The following NOL4 variants were observed in gnomAD, a reference collection of about 807,000 sequenced individuals.
NOL4 encodes the protein cancer/testis antigen 125.
In NOL4, 17 loss-of-function variants were observed where a neutral mutation model predicts 75.9. The observed-to-expected ratio is 0.22, with a 90% CI of 0.15 to 0.34. NOL4 has a LOEUF of 0.34. NOL4 is among the 10% of genes least tolerant of loss of function. NOL4 has a pLI of 1.00. For synonymous variants in NOL4, 292 were observed against 289.9 expected (o/e 1.01, Z -0.07); for missense variants, 614 against 793.5 (o/e 0.77, Z 2.72).
chr18:34,125,489 T>A (rs2080344277), intron 2 of NOL4, among the ~76,000 whole-genome samples: 1 of 152,154 alleles, frequency 6.6e-6, no homozygotes, highest in African/African-American at 2.4e-5. Context: ...TGGGAATTTT[T>A]ACATGACAAA....
intron 10 of NOL4, 104 bp downstream of exon 10, chr18:33,883,140 G>T (rs1599733424): frequency 2.1e-5 from 16 of 777,354 alleles, no homozygotes; most frequent in Middle Eastern, 4.0e-4. Flanking sequence ...GCACCAGCAT[G>T]GCACATGTAT....
At chr18:34,127,282 T>C (rs1184763619) in intron 2 of NOL4, among the ~76,000 whole-genome samples, 1 of 151,746 alleles carries the variant, frequency 6.6e-6, no homozygotes, top group Non-Finnish European at 1.5e-5. Flanking sequence ...AGTGAAAACA[T>C]AGAAAGATTT....
chr18:33,924,714 G>A (rs2067227426), intron 9 of NOL4, among the ~76,000 whole-genome samples: 1 of 152,144 alleles, frequency 6.6e-6, no homozygotes, highest in Non-Finnish European at 1.5e-5. Flanking sequence ...AAGACATCTG[G>A]AGGCCATTAC....
Position 33,883,395 on chromosome 18 carries a change from A to C in NOL4, c.1572T>G (p.Cys524Trp). The C allele has an allele frequency of 6.2e-7, 1 of 1,610,832 alleles. No homozygotes were observed. The highest frequency in any genetic ancestry group is 2.2e-5 in the East Asian group (1 of 44,768). Residue 524 changes from cysteine (C) to tryptophan (W), a missense_variant, in exon 10 of 11, where the codon TGT (cysteine) becomes TGG (tryptophan). Around this residue, in one of 9 missense-constraint regions of NOL4, gnomAD observed 128 missense variants for 159.9 expected, o/e 0.80. Coordinates refer to ENST00000261592, the MANE Select transcript of NOL4 (RefSeq NM_003787.5). Reference protein sequence around the residue: ...QDESAPADKQCKPEATQATYS... With the variant: ...QDESAPADKQWKPEATQATYS... ...AAGTGGCCTGGGTCGCCTCTGGTTT[A>C]CACTGTTTGTCAGCTGGAGCAGACT...
At chr18:34,201,372 C>A (rs929427598) in intron 1 of NOL4, among the ~76,000 whole-genome samples, 1 of 151,768 alleles carries the variant, frequency 6.6e-6, no homozygotes, top group African/African-American at 2.4e-5. Context: ...ACAGCCAACA[C>A]ATGACAGAGC....
chr18:33,867,649 AACACAC>A (rs35491645), intron 10 of NOL4, among the ~76,000 whole-genome samples: 15,844 of 148,568 alleles, frequency 0.11, 861 homozygotes, highest in Non-Finnish European at 0.14. Flanking sequence ...TGTGTATGTA[AACACAC>A]ACACACACAC....
intron 10 of NOL4, among the ~76,000 whole-genome samples, chr18:33,882,635 G>A (rs1437967446): frequency 1.3e-5 from 2 of 150,068 alleles, no homozygotes. Flanking sequence ...AACCATTGTG[G>A]AAGTCAGTGT....
At chr18:34,204,691 T>C (rs1432654887) in intron 1 of NOL4, among the ~76,000 whole-genome samples, 1 of 152,144 alleles carries the variant, frequency 6.6e-6, no homozygotes, top group Non-Finnish European at 1.5e-5. Flanking sequence ...GAATAAACCC[T>C]AAGACATCTT....
chr18:33,859,684 C>T lies in NOL4; in HGVS notation c.1724-6649G>A, dbSNP rs141120171. Among the ~76,000 whole-genome samples, 706 of 152,196 alleles carry T rather than the reference C, an allele frequency of 4.6e-3. 4 individuals are homozygous for T. Among genetic ancestry groups the T allele is most frequent in the African/African-American group, 0.016 (678 of 41,534 alleles). ...CTATAATCCTAGCACTTTGGGAGGC[C>T]GAGGTGGGTGGATCACTTGTGGTCA... On this transcript the variant is annotated intron_variant, in intron 10 of 10. Coordinates refer to ENST00000261592, the MANE Select transcript of NOL4 (RefSeq NM_003787.5).
At chr18:33,948,672 C>T (rs961711967) in intron 8 of NOL4, among the ~76,000 whole-genome samples, 2 of 151,946 alleles carry the variant, frequency 1.3e-5, no homozygotes, top group African/African-American at 2.4e-5. Flanking sequence ...GGAAAATAAT[C>T]TCCACATTAT....
At chr18:33,893,927 G>C (rs374092640) in intron 9 of NOL4, among the ~76,000 whole-genome samples, 141 of 152,146 alleles carry the variant, frequency 9.3e-4, no homozygotes, top group African/African-American at 3.1e-3. Context: ...GATAATGAAG[G>C]CCTCAGTTTG....
chr18:34,181,551 A>G (rs2034035294), intron 1 of NOL4, among the ~76,000 whole-genome samples: 1 of 151,630 alleles, frequency 6.6e-6, no homozygotes, highest in African/African-American at 2.4e-5. Context: ...ATAAGCAGCC[A>G]AAGAAAAAAT....
intron 6 of NOL4, among the ~76,000 whole-genome samples, chr18:33,965,426 C>T (rs2070501082): frequency 6.6e-6 from 1 of 152,052 alleles, no homozygotes; most frequent in Admixed American, 6.6e-5. Flanking sequence ...CCACGAATCC[C>T]AGGCTGCTGT....
At chr18:34,213,216 A>G (rs1295169892) in intron 1 of NOL4, among the ~76,000 whole-genome samples, 1 of 152,168 alleles carries the variant, frequency 6.6e-6, no homozygotes, top group Non-Finnish European at 1.5e-5. Context: ...TTAATCTCCA[A>G]TGCAACAGTG....
Position 34,223,740 on chromosome 18 carries a change from G to T in NOL4, c.-487C>A, listed in dbSNP as rs1442496702. On this transcript the variant is annotated 5_prime_UTR_variant, in exon 1 of 11. Transcript: ENST00000261592. Reference sequence around the variant, plus strand: ...GCCCCAGAAGCTTCCCCAGCCACTGGCCCCGTGGTCCAGGAGTGAGGGCTG... The same window carrying T: ...GCCCCAGAAGCTTCCCCAGCCACTGTCCCCGTGGTCCAGGAGTGAGGGCTG... Among the ~76,000 whole-genome samples, 1 of 152,140 alleles carries T rather than the reference G, an allele frequency of 6.6e-6. No individual in the cohort carries two copies. Among genetic ancestry groups the T allele is most frequent in the Non-Finnish European group, 1.5e-5 (1 of 68,024 alleles).
At chr18:34,214,170 T>C (rs1309808214) in intron 1 of NOL4, among the ~76,000 whole-genome samples, 2 of 152,222 alleles carry the variant, frequency 1.3e-5, no homozygotes, top group East Asian at 3.8e-4. Flanking sequence ...TATGGTGTTA[T>C]AAATTAGAAT....
intron 5 of NOL4, among the ~76,000 whole-genome samples, chr18:34,040,197 AC>A (rs927586288): frequency 7.9e-5 from 12 of 152,002 alleles, no homozygotes; most frequent in African/African-American, 2.7e-4. Flanking sequence ...TTGGAAAGGT[AC>A]ATACCGAACT....
At chr18:34,087,350 C>T (rs1408436230) in intron 5 of NOL4, among the ~76,000 whole-genome samples, 2 of 152,084 alleles carry the variant, frequency 1.3e-5, no homozygotes, top group South Asian at 2.1e-4. Flanking sequence ...ACTTACTCCC[C>T]TCTATGTTTC....
chr18:34,052,425 T>C (rs969787911), intron 5 of NOL4, among the ~76,000 whole-genome samples: 2 of 152,108 alleles, frequency 1.3e-5, no homozygotes, highest in African/African-American at 4.8e-5. Flanking sequence ...CTTAAACATT[T>C]AACTCTTTTT....
Sources: allele counts gnomAD v4.1 joint callset (sites outside exome capture counted in the v4.1 genomes callset), GRCh38; gene constraint gnomAD v4.1.1; regional missense constraint gnomAD v4.1.1; transcripts MANE v1.5; gene names NCBI Gene and HGNC (gene_info 2026-07-23, HGNC 2026-07-21).